Variants in PTPRN2 observed in about 807,000 individuals in gnomAD.
PTPRN2 encodes the protein protein tyrosine phosphatase receptor type N2.
PTPRN2 carries 74 observed loss-of-function variants against 118.8 expected under a neutral mutation model. The observed-to-expected ratio is 0.62, with a 90% CI of 0.52 to 0.76. The LOEUF is 0.76. Ranked by LOEUF, PTPRN2 falls within the 30% of genes least tolerant of loss-of-function variation. The pLI, the probability that PTPRN2 is intolerant of heterozygous loss-of-function variation, is 0.00. For synonymous variants in PTPRN2, 641 were observed against 608.0 expected (o/e 1.05, Z -0.80); for missense variants, 1,481 against 1,394.4 (o/e 1.06, Z -0.99).
At chr7:158,353,080 C>T (rs1427629692) in intron 2 of PTPRN2, among the ~76,000 whole-genome samples, 1 of 152,232 alleles carries the variant, frequency 6.6e-6, no homozygotes, top group Non-Finnish European at 1.5e-5. Context: ...AAGAGAACAG[C>T]AGCATGTATT....
At chr7:158,247,940 CT>C (rs1466428366) in intron 3 of PTPRN2, among the ~76,000 whole-genome samples, 1 of 152,162 alleles carries the variant, frequency 6.6e-6, no homozygotes, top group Non-Finnish European at 1.5e-5. Context: ...TTAACCATAC[CT>C]CGCACAAGAC....
intron 1 of PTPRN2, among the ~76,000 whole-genome samples, chr7:158,500,435 T>C (rs1193593854): frequency 6.6e-6 from 1 of 152,204 alleles, no homozygotes; most frequent in Non-Finnish European, 1.5e-5. Flanking sequence ...AAAAACTACT[T>C]AAAACTCTGT....
At chr7:157,791,537 C>G (rs950629869) in intron 12 of PTPRN2, among the ~76,000 whole-genome samples, 3 of 147,670 alleles carry the variant, frequency 2.0e-5, no homozygotes, top group Admixed American at 1.3e-4. Context: ...CCCGCCCCCG[C>G]TCCCTGCACC....
rs950829149 is a variant in PTPRN2 at position 157,690,827 on chromosome 7, G to C, written c.1789-7890C>G. ...GAGCCCGCAGGCGCCGGAGCTCTGC[G>C]CGGCCGCTCGGCCCAGCTCCGCGTG... On this transcript the variant is annotated intron_variant, in intron 12 of 22. Coordinates refer to ENST00000389418, the MANE Select transcript of PTPRN2 (RefSeq NM_002847.5). The surrounding 1 kb of genome is among the most constrained non-coding windows in gnomAD (Gnocchi z 7.1). 2.0e-5 allele frequency among the ~76,000 whole-genome samples: 3 copies of C among 148,612 alleles called. No individual in the cohort carries two copies. Among genetic ancestry groups the C allele is most frequent in the African/African-American group, 4.9e-5 (2 of 41,020 alleles).
intron 12 of PTPRN2, among the ~76,000 whole-genome samples, chr7:157,877,637 C>G (rs1795859044): frequency 1.3e-5 from 2 of 152,200 alleles, no homozygotes; most frequent in South Asian, 4.2e-4. Flanking sequence ...TGTCTCTGGA[C>G]CCAGCATCAA....
At chr7:157,721,263 G>A (rs1799217502) in intron 12 of PTPRN2, among the ~76,000 whole-genome samples, 1 of 152,216 alleles carries the variant, frequency 6.6e-6, no homozygotes, top group African/African-American at 2.4e-5. Context: ...CCACAAGGGA[G>A]ATTTGCTTCT....
intron 6 of PTPRN2, among the ~76,000 whole-genome samples, chr7:158,154,241 C>G (rs1310588077): frequency 1.3e-5 from 2 of 152,226 alleles, no homozygotes; most frequent in Non-Finnish European, 2.9e-5. Context: ...GGCTCAAACT[C>G]CACCCCACCA....
intron 14 of PTPRN2, among the ~76,000 whole-genome samples, chr7:157,646,745 A>G (rs563300210): frequency 6.6e-6 from 1 of 152,230 alleles, no homozygotes; most frequent in Non-Finnish European, 1.5e-5. Flanking sequence ...GGGAGGCTCT[A>G]GAACGTCCCC....
At position 158,516,202 on chromosome 7, in the gene PTPRN2, G is replaced by A. The variant is rs373510787; in HGVS notation, c.113-26417C>T. Among the ~76,000 whole-genome samples, 64 of 152,308 alleles carry A rather than the reference G, an allele frequency of 4.2e-4. 3 individuals are homozygous for A. In the South Asian group the frequency reaches 4.6e-3, roughly 11 times the overall value. On this transcript the variant is annotated intron_variant, in intron 1 of 22. Transcript: ENST00000389418. ...AATTAAAAGTGAATCATTCCAGCCA[G>A]CGCAGTGGCTCACACACCTGTAATC...
rs974753105 is a variant in PTPRN2 at position 157,794,121 on chromosome 7, C to G, written c.1788+104552G>C. 1.3e-5 allele frequency among the ~76,000 whole-genome samples: 2 copies of G among 150,748 alleles called. No individual in the cohort carries two copies. The highest frequency in any genetic ancestry group is 3.0e-5 in the Non-Finnish European group (2 of 67,162). ...TCGCCCCTCATTCTCTGCTCTGACC[C>G]GGGCTCGCACCTCCCCTCGTTCTCT... On this transcript the variant is annotated intron_variant, in intron 12 of 22. Transcript: ENST00000389418. This position sits in a 1 kb window ranked among gnomAD's most constrained non-coding sequence, Gnocchi z 5.2.
chr7:158,097,908 T>G (rs1201331609), intron 10 of PTPRN2, among the ~76,000 whole-genome samples: 1 of 152,182 alleles, frequency 6.6e-6, no homozygotes, highest in Non-Finnish European at 1.5e-5. Flanking sequence ...CCTGTCCGCC[T>G]CTTTTCCTTT....
chr7:158,109,820 G>A (rs926075312), intron 10 of PTPRN2, among the ~76,000 whole-genome samples: 2 of 151,236 alleles, frequency 1.3e-5, no homozygotes, highest in African/African-American at 4.9e-5. Flanking sequence ...GTGAGTGAAT[G>A]ATGTCACCCG....
At chr7:157,720,885 G>A (rs56754801) in intron 12 of PTPRN2, among the ~76,000 whole-genome samples, 4 of 152,310 alleles carry the variant, frequency 2.6e-5, no homozygotes, top group East Asian at 3.9e-4. Context: ...CCTAAAACAC[G>A]GGACGCAGGA....
intron 3 of PTPRN2, among the ~76,000 whole-genome samples, chr7:158,306,869 T>A (rs867617008): frequency 6.9e-6 from 1 of 144,980 alleles, no homozygotes; most frequent in Non-Finnish European, 1.5e-5. Flanking sequence ...TTTTTTTTTT[T>A]TTTTTTTTTT....
At chr7:158,244,381 G>T (rs2150865722) in intron 3 of PTPRN2, among the ~76,000 whole-genome samples, 1 of 152,358 alleles carries the variant, frequency 6.6e-6, no homozygotes, top group South Asian at 2.1e-4. Flanking sequence ...CACCTTTCAG[G>T]TATTCATGAA....
chr7:158,124,084 C>T (rs1817414920), intron 9 of PTPRN2, among the ~76,000 whole-genome samples: 1 of 152,212 alleles, frequency 6.6e-6, no homozygotes, highest in South Asian at 2.1e-4. Context: ...CCTGAGTTGC[C>T]CATCATGAAC....
chr7:157,658,609 G>A lies in PTPRN2; in HGVS notation c.2002-2058C>T, dbSNP rs182943922. On this transcript the variant is annotated intron_variant, in intron 13 of 22. Transcript: ENST00000389418. ...GGTGCTCAGAACACGCCGGGACCCC[G>A]CTGCTGCCGCTCACCTTCAGGGTGC... 1.5e-4 allele frequency among the ~76,000 whole-genome samples: 23 copies of A among 152,324 alleles called. No individual in the cohort carries two copies. In the East Asian group the frequency reaches 3.9e-3, roughly 26 times the overall value.
intron 11 of PTPRN2, among the ~76,000 whole-genome samples, chr7:157,999,301 G>A (rs1443363535): frequency 6.6e-6 from 1 of 152,114 alleles, no homozygotes; most frequent in Non-Finnish European, 1.5e-5. Context: ...TAAATAAACA[G>A]CAAAACCGTT....
rs1818127217 is a variant in PTPRN2 at position 158,452,081 on chromosome 7, T to C, written c.163+37654A>G. ...ATCATATACCAAATACCCATACGCA[T>C]TTGGGTCTATTTCTAGACTTTCTAT... On this transcript the variant is annotated intron_variant, in intron 2 of 22. Coordinates refer to ENST00000389418, the MANE Select transcript of PTPRN2 (RefSeq NM_002847.5). Among the ~76,000 whole-genome samples, 10 of 152,262 alleles carry C rather than the reference T, an allele frequency of 6.6e-5. No individual in the cohort carries two copies. In the South Asian group the frequency reaches 2.1e-3, roughly 32 times the overall value.
Sources: allele counts gnomAD v4.1 joint callset (sites outside exome capture counted in the v4.1 genomes callset), GRCh38; gene constraint gnomAD v4.1.1; non-coding constraint Gnocchi (gnomAD v3.1); transcripts MANE v1.5; gene names NCBI Gene and HGNC (gene_info 2026-07-23, HGNC 2026-07-21).